TMBIM4: variants seen among roughly 807,000 people sequenced by gnomAD.
TMBIM4 encodes protein lifeguard 4.
TMBIM4 carries 28 observed loss-of-function variants against 27.7 expected under a neutral mutation model. That is an observed-to-expected ratio of 1.01 (90% CI 0.75 to 1.38). The LOEUF is 1.38. TMBIM4 is among the 40% of genes most tolerant of loss of function. The pLI is 0.00. For synonymous variants in TMBIM4, 115 were observed against 113.1 expected (o/e 1.02, Z -0.11); for missense variants, 265 against 277.5 (o/e 0.95, Z 0.32).
At chr12:66,138,857 C>A in intron 5 of TMBIM4, 88 bp from the exon 6 acceptor site, 1 of 1,355,122 alleles carries the variant, frequency 7.4e-7, no homozygotes. Context: ...AAAAAAACAT[C>A]CATCTGGATT....
intron 1 of TMBIM4, among the ~76,000 whole-genome samples, chr12:66,155,584 G>C (rs1459093549): frequency 6.6e-6 from 1 of 151,960 alleles, no homozygotes. Context: ...CACCCACCTT[G>C]GCCTCCCAAA....
chr12:66,141,585 AC>A (rs1207060767), intron 5 of TMBIM4, among the ~76,000 whole-genome samples: 2 of 152,044 alleles, frequency 1.3e-5, no homozygotes, highest in Admixed American at 6.6e-5. Context: ...TAAAAAAAAA[AC>A]CTTGTAAATA....
intron 2 of TMBIM4, 120 bp downstream of exon 2, chr12:66,153,212 AGAGTAAAT>A (rs1194907489): frequency 4.9e-6 from 3 of 616,610 alleles, no homozygotes; most frequent in Non-Finnish European, 8.5e-6. Context: ...CAGGCTTATA[AGAGTAAAT>A]GAACCTTTTT....
intron 4 of TMBIM4, among the ~76,000 whole-genome samples, chr12:66,147,194 A>G (rs1357139320): frequency 9.2e-5 from 14 of 152,104 alleles, no homozygotes; most frequent in Non-Finnish European, 1.6e-4. Context: ...GATTAAACAA[A>G]ACTGGCATAG....
chr12:66,152,020 G>A (rs1439347914), intron 3 of TMBIM4, among the ~76,000 whole-genome samples: 1 of 152,100 alleles, frequency 6.6e-6, no homozygotes, highest in African/African-American at 2.4e-5. Flanking sequence ...CTTGCCAAGT[G>A]TCACATAATC....
At chr12:66,145,803 A>G in intron 5 of TMBIM4, 38 bp downstream of exon 5, 1 of 1,153,830 alleles carries the variant, frequency 8.7e-7, no homozygotes, top group Non-Finnish European at 1.3e-6. Flanking sequence ...ATAATTAAAG[A>G]CATCTATCTA....
intron 1 of TMBIM4, among the ~76,000 whole-genome samples, chr12:66,154,085 G>T (rs1303547833): frequency 1.3e-5 from 2 of 152,064 alleles, no homozygotes; most frequent in Non-Finnish European, 1.5e-5. Context: ...GATATACAGT[G>T]ATACAAATAA....
intron 1 of TMBIM4, among the ~76,000 whole-genome samples, chr12:66,155,826 T>C (rs2051926991): frequency 6.6e-6 from 1 of 152,242 alleles, no homozygotes; most frequent in Admixed American, 6.5e-5. Flanking sequence ...CAAGTGCATA[T>C]GTAATAAAAG....
At chr12:66,142,548 A>G (rs910917210) in intron 5 of TMBIM4, among the ~76,000 whole-genome samples, 1 of 151,800 alleles carries the variant, frequency 6.6e-6, no homozygotes, top group Non-Finnish European at 1.5e-5. Context: ...TAAGAGGGCC[A>G]CATGACACCT....
chr12:66,146,589 A>G (rs2051755891), intron 4 of TMBIM4, among the ~76,000 whole-genome samples: 1 of 152,212 alleles, frequency 6.6e-6, no homozygotes, highest in Admixed American at 6.5e-5. Context: ...ATATATGCCA[A>G]ATTCCTTTCT....
At position 66,138,709 on chromosome 12, in the gene TMBIM4, T is replaced by C. The variant is rs2051616977; in HGVS notation, c.510+15A>G. ...CAGAATTATATTTCAAATTAACCAT[T>C]ATAACATAACTTACCTTCAAGAATC... is the stretch of plus-strand genomic sequence containing the variant. On this transcript the variant is annotated intron_variant, in intron 6 of 6. Transcript: ENST00000358230. 1 of 1,542,102 alleles carries C rather than the reference T, an allele frequency of 6.5e-7. No homozygotes were observed. Among genetic ancestry groups the C allele is most frequent in the South Asian group, 1.2e-5 (1 of 80,768 alleles).
intron 1 of TMBIM4, among the ~76,000 whole-genome samples, chr12:66,165,565 G>C (rs11176068): frequency 0.3 from 45,076 of 151,986 alleles, 7,201 homozygotes; most frequent in South Asian, 0.41. Context: ...TTACAGGCGT[G>C]AACCACTGCA....
chr12:66,148,606 A>T (rs2136859189), intron 3 of TMBIM4, among the ~76,000 whole-genome samples: 1 of 152,256 alleles, frequency 6.6e-6, no homozygotes, highest in South Asian at 2.1e-4. Context: ...CTCTGTGGCT[A>T]TGGAAGTGAT....
Position 66,136,142 on chromosome 12 carries a change from T to C in TMBIM4, c.*1818A>G, listed in dbSNP as rs1449791066. 1 of 151,332 alleles carries C rather than the reference T, an allele frequency of 6.6e-6. No homozygotes were observed. The highest frequency in any genetic ancestry group is 1.5e-5 in the Non-Finnish European group (1 of 67,858). The allele number at this position is 151,332 out of a possible 1,614,324, so 9.4% of individuals were successfully genotyped here. ...CAGCTGACATTAATTAAGCACTTAGTTTAGTTTATTTATCTATCTCATTTA... is the reference window on the plus strand; with the variant it reads ...CAGCTGACATTAATTAAGCACTTAGCTTAGTTTATTTATCTATCTCATTTA... On this transcript the variant is annotated 3_prime_UTR_variant, in exon 7 of 7. Transcript: ENST00000358230.
chr12:66,168,175 C>T (rs191238468), intron 1 of TMBIM4, among the ~76,000 whole-genome samples: 62 of 151,264 alleles, frequency 4.1e-4, no homozygotes, highest in Admixed American at 1.1e-3. Flanking sequence ...GAGCAGTGAT[C>T]TCACCACTGC....
chr12:66,146,584 T>A (rs1241598942), intron 4 of TMBIM4, among the ~76,000 whole-genome samples: 1 of 152,210 alleles, frequency 6.6e-6, no homozygotes, highest in Non-Finnish European at 1.5e-5. Flanking sequence ...ACTGAATATA[T>A]GCCAAATTCC....
chr12:66,162,077 T>TA (rs11438402), intron 1 of TMBIM4, among the ~76,000 whole-genome samples: 57,665 of 147,876 alleles, frequency 0.39, 11,444 homozygotes, highest in East Asian at 0.69. Context: ...CCAACATCAC[T>TA]AAAAAAAAAA....
rs995364023 is a variant in TMBIM4, at chr12:66,137,148, T to C, written c.*812A>G. ...AAATAAAAAGTCATTAACATTTTAATGTAATACTGAATAATTCTCTGTGGA... is the reference window on the plus strand; with the variant it reads ...AAATAAAAAGTCATTAACATTTTAACGTAATACTGAATAATTCTCTGTGGA... On this transcript the variant is annotated 3_prime_UTR_variant, in exon 7 of 7. Coordinates refer to ENST00000358230, the MANE Select transcript of TMBIM4 (RefSeq NM_016056.4). 6.6e-6 allele frequency: 1 copy of C among 152,244 alleles called. No individual in the cohort carries two copies. The highest frequency in any genetic ancestry group is 2.4e-5 in the African/African-American group (1 of 41,460). The allele number at this position is 152,244 out of a possible 1,614,324, so 9.4% of individuals were successfully genotyped here.
chr12:66,145,746 C>A, intron 5 of TMBIM4, 95 bp downstream of exon 5: 1 of 693,126 alleles, frequency 1.4e-6, no homozygotes, highest in Non-Finnish European at 2.5e-6. Context: ...TTTTAAAAGA[C>A]AGTACCCAAA....
Sources: allele counts gnomAD v4.1 joint callset (sites outside exome capture counted in the v4.1 genomes callset), GRCh38; gene constraint gnomAD v4.1.1; transcripts MANE v1.5; gene names NCBI Gene and HGNC (gene_info 2026-07-23, HGNC 2026-07-21).